PALMD: variants seen among roughly 807,000 people sequenced by gnomAD.
PALMD encodes the protein palmdelphin.
Under a neutral mutation model 56.2 loss-of-function variants are expected in PALMD, and 42 were observed. The ratio of observed to expected loss-of-function variants is 0.75; its 90% CI spans 0.58 to 0.97. PALMD has a LOEUF of 0.97. PALMD is among the 50% of genes least tolerant of loss of function. The pLI, the probability that PALMD is intolerant of heterozygous loss-of-function variation, is 0.00. For synonymous variants in PALMD, 242 were observed against 222.9 expected (o/e 1.09, Z -0.76); for missense variants, 660 against 643.8 (o/e 1.03, Z -0.27).
At chr1:99,649,843 G>A (rs1176319887) in intron 1 of PALMD, among the ~76,000 whole-genome samples, 1 of 152,160 alleles carries the variant, frequency 6.6e-6, no homozygotes, top group East Asian at 1.9e-4. Flanking sequence ...TCAGAGAACA[G>A]ACTCAACTGA....
chr1:99,667,658 AG>A lies in PALMD; in HGVS notation c.144del (p.Lys49AsnfsTer4), dbSNP rs1362650174. 2 of 1,613,230 alleles carry A rather than the reference AG, an allele frequency of 1.2e-6. No individual in the cohort carries two copies. Among genetic ancestry groups the A allele is most frequent in the African/African-American group, 2.7e-5 (2 of 74,868 alleles). On this transcript the variant is annotated frameshift_variant, in exon 3 of 8. Coordinates refer to ENST00000263174, the MANE Select transcript of PALMD (RefSeq NM_017734.5). LOFTEE classifies it high-confidence loss of function. ...TGACATCAGAAAAAGGCCTTGAGGG[AG>A]AAATGGCTTCTAGATGGAATCAGCA... Reference protein sequence around the residue: ...HQHLKKKALREKWLLDGISSG... With the variant: ...HQHLKKKALRXKWLLDGISSG...
At chr1:99,648,931 T>C (rs1383447718) in intron 1 of PALMD, among the ~76,000 whole-genome samples, 1 of 149,054 alleles carries the variant, frequency 6.7e-6, no homozygotes, top group East Asian at 2.0e-4. Context: ...GTAGTTGAAA[T>C]GTGACACTTA....
intron 3 of PALMD, among the ~76,000 whole-genome samples, chr1:99,682,225 A>G (rs929657094): frequency 6.6e-6 from 1 of 152,228 alleles, no homozygotes; most frequent in Non-Finnish European, 1.5e-5. Flanking sequence ...CAAGTTTTGC[A>G]TTGAAGTGGA....
Position 99,689,587 on chromosome 1 carries a change from G to A in PALMD, c.1327G>A (p.Glu443Lys). ...LTGYDGIIHA[E>K]LVVIDDEEEE... is the part of the protein sequence containing the mutation. ...AGGATATGATGGGATCATCCATGCTGAGCTGGTTGTGATTGATGATGAGGA... is the reference window on the plus strand; with the variant it reads ...AGGATATGATGGGATCATCCATGCTAAGCTGGTTGTGATTGATGATGAGGA... Residue 443 changes from glutamate to lysine, a missense_variant, in exon 7 of 8, where the codon GAG (glutamate) becomes AAG (lysine). Glu to Lys is a moderately conservative substitution (Grantham distance 56). Transcript: ENST00000263174. The A allele has an allele frequency of 6.2e-7, 1 of 1,613,842 alleles. No individual in the cohort carries two copies. The highest frequency in any genetic ancestry group is 8.5e-7 in the Non-Finnish European group (1 of 1,179,866).
intron 1 of PALMD, among the ~76,000 whole-genome samples, chr1:99,652,145 A>G (rs1652600921): frequency 1.3e-5 from 2 of 152,054 alleles, no homozygotes; most frequent in African/African-American, 2.4e-5. Context: ...AGCATATGTT[A>G]TCATTCCCAT....
chr1:99,647,062 C>T (rs1053876811), intron 1 of PALMD, among the ~76,000 whole-genome samples: 4 of 151,690 alleles, frequency 2.6e-5, no homozygotes, highest in South Asian at 4.2e-4. Context: ...ATGTTTGTTC[C>T]GGGAAAAAGT....
intron 2 of PALMD, among the ~76,000 whole-genome samples, chr1:99,663,361 C>G (rs904332404): frequency 4.6e-5 from 7 of 151,992 alleles, no homozygotes; most frequent in Non-Finnish European, 8.8e-5. Context: ...TCCAATATGT[C>G]ACATTGAATT....
At chr1:99,656,548 C>A (rs1239284144) in intron 1 of PALMD, among the ~76,000 whole-genome samples, 2 of 152,134 alleles carry the variant, frequency 1.3e-5, no homozygotes, top group African/African-American at 2.4e-5. Flanking sequence ...TGAAAACATT[C>A]AACTATTTTA....
chr1:99,649,154 T>C (rs1286669745), intron 1 of PALMD, among the ~76,000 whole-genome samples: 1 of 152,246 alleles, frequency 6.6e-6, no homozygotes. Context: ...ATTACTTTCA[T>C]GTTCTTCCTT....
At chr1:99,670,065 G>A (rs145349154) in intron 3 of PALMD, among the ~76,000 whole-genome samples, 3 of 152,128 alleles carry the variant, frequency 2.0e-5, no homozygotes, top group Non-Finnish European at 2.9e-5. Flanking sequence ...GACTGAAAAG[G>A]TATTCTCTCT....
intron 7 of PALMD, among the ~76,000 whole-genome samples, chr1:99,693,505 C>G (rs988400990): frequency 6.6e-6 from 1 of 152,146 alleles, no homozygotes; most frequent in African/African-American, 2.4e-5. Flanking sequence ...ATCACTCCAG[C>G]TTTTAATAAC....
Position 99,689,160 on chromosome 1 carries a change from A to G in PALMD, c.900A>G (p.Glu300=), listed in dbSNP as rs368956599. The change falls in exon 7 of 8, where the codon GAA becomes GAG. Residue 300 remains glutamate (E), a synonymous_variant. Transcript: ENST00000263174. ...ATGGACTGGGTATTGGTGTAAATGA[A>G]TCCATACACAATATGGGCAATGGTC... is the stretch of plus-strand genomic sequence containing the variant. ...KTNGLGIGVN[E]SIHNMGNGLS... 5 of 1,613,532 alleles carry G rather than the reference A, an allele frequency of 3.1e-6. No individual in the cohort carries two copies. In the African/African-American group the frequency reaches 6.7e-5, roughly 22 times the overall value.
chr1:99,666,683 T>C (rs1652969162), intron 2 of PALMD, among the ~76,000 whole-genome samples: 2 of 152,180 alleles, frequency 1.3e-5, no homozygotes, highest in South Asian at 4.1e-4. Flanking sequence ...ATTGGATACA[T>C]AATGAGAGCC....
chr1:99,690,457 G>C (rs1653631056), intron 7 of PALMD, among the ~76,000 whole-genome samples: 1 of 151,942 alleles, frequency 6.6e-6, no homozygotes, highest in South Asian at 2.1e-4. Flanking sequence ...TTTGCATAGT[G>C]TTCCCCAACT....
intron 1 of PALMD, among the ~76,000 whole-genome samples, chr1:99,654,928 A>G (rs999455370): frequency 2.6e-5 from 4 of 152,164 alleles, no homozygotes; most frequent in Non-Finnish European, 4.4e-5. Flanking sequence ...CCAAAGTCCA[A>G]CTAGAAAAAC....
chr1:99,683,165 A>AGAAAG (rs200315619), intron 3 of PALMD: 1 of 128,468 alleles, frequency 7.8e-6, no homozygotes, highest in African/African-American at 3.4e-5. Flanking sequence ...AAAGAAAGAA[A>AGAAAG]GAAACGAACA....
At chr1:99,679,417 A>C (rs911962013) in intron 3 of PALMD, among the ~76,000 whole-genome samples, 1 of 152,190 alleles carries the variant, frequency 6.6e-6, no homozygotes, top group Non-Finnish European at 1.5e-5. Flanking sequence ...AGACCGTTCT[A>C]AGAACTCCTA....
intron 3 of PALMD, among the ~76,000 whole-genome samples, chr1:99,673,078 C>A (rs1653120928): frequency 6.6e-6 from 1 of 152,068 alleles, no homozygotes; most frequent in South Asian, 2.1e-4. Flanking sequence ...AAGGAAAATT[C>A]CTCCACAAAA....
At position 99,689,590 on chromosome 1, in the gene PALMD, C is replaced by G. The variant is rs1653608143; in HGVS notation, c.1330C>G (p.Leu444Val). The change falls in exon 7 of 8, where the codon CTG becomes GTG. Residue 444 changes from leucine (L) to valine (V), a missense_variant. By Grantham distance (32) the Leu-to-Val change is conservative (BLOSUM62 1). Transcript: ENST00000263174. ...ATATGATGGGATCATCCATGCTGAG[C>G]TGGTTGTGATTGATGATGAGGAGGA... ...TGYDGIIHAE[L>V]VVIDDEEEED... 6.2e-7 allele frequency: 1 copy of G among 1,613,612 alleles called. No individual in the cohort carries two copies. Among genetic ancestry groups the G allele is most frequent in the Admixed American group, 1.7e-5 (1 of 59,896 alleles).
Sources: allele counts gnomAD v4.1 joint callset (sites outside exome capture counted in the v4.1 genomes callset), GRCh38; gene constraint gnomAD v4.1.1; transcripts MANE v1.5; gene names NCBI Gene and HGNC (gene_info 2026-07-23, HGNC 2026-07-21).